Variants in FOXO3 observed in about 807,000 individuals in gnomAD.
FOXO3 encodes the protein forkhead box O3.
Under a neutral mutation model 41.9 loss-of-function variants are expected in FOXO3, and 4 were observed. The observed-to-expected ratio is 0.10, with a 90% CI of 0.05 to 0.22. The LOEUF (loss-of-function observed/expected upper bound fraction) is 0.22. Among genes scored for constraint, FOXO3 ranks in the 10% least tolerant of loss-of-function variants. The pLI is 1.00. For synonymous variants in FOXO3, 318 were observed against 389.3 expected, an observed-to-expected ratio of 0.82 and a Z score of 2.16; for missense variants, 534 against 906.8, an observed-to-expected ratio of 0.59 and a Z score of 5.28.
chr6:108,570,777 C>A (rs1039638274), intron 1 of FOXO3, among the ~76,000 whole-genome samples: 3 of 151,996 alleles, frequency 2.0e-5, no homozygotes, highest in Non-Finnish European at 4.4e-5. Context: ...AAAATAATAC[C>A]TTGATTATTT....
rs1775780510 is a variant in FOXO3 at position 108,561,388 on chromosome 6, G to A, written c.180G>A (p.Glu60=). Residue 60 remains glutamate, a synonymous_variant, in exon 1 of 3, where the codon GAG becomes GAA. Coordinates refer to ENST00000406360, the MANE Select transcript of FOXO3 (RefSeq NM_001455.4). ...CCGCCGACTCCATGATCCCCGAGGA[G>A]GAGGACGATGAAGACGACGAGGACG... ...ETAADSMIPE[E]EDDEDDEDGG... 1.3e-5 allele frequency: 20 copies of A among 1,553,338 alleles called. No homozygotes were observed. Among genetic ancestry groups the A allele is most frequent in the Non-Finnish European group, 1.7e-5 (20 of 1,151,110 alleles).
At chr6:108,589,455 C>T (rs556915424) in intron 1 of FOXO3, among the ~76,000 whole-genome samples, 1 of 152,350 alleles carries the variant, frequency 6.6e-6, no homozygotes, top group African/African-American at 2.4e-5. Context: ...CACAAACACT[C>T]CTGCCAGCAT....
intron 2 of FOXO3, among the ~76,000 whole-genome samples, chr6:108,666,220 G>T (rs895732774): frequency 2.0e-5 from 3 of 152,144 alleles, no homozygotes; most frequent in Non-Finnish European, 4.4e-5. Flanking sequence ...ACTGCAGTAG[G>T]CTGAAATATG....
At chr6:108,673,080 C>T (rs1431876364) in intron 2 of FOXO3, among the ~76,000 whole-genome samples, 2 of 152,202 alleles carry the variant, frequency 1.3e-5, no homozygotes, top group African/African-American at 4.8e-5. Context: ...AGCAATACCG[C>T]CCAACGTAGT....
intron 2 of FOXO3, among the ~76,000 whole-genome samples, chr6:108,670,261 A>G (rs1321300657): frequency 1.3e-5 from 2 of 152,092 alleles, no homozygotes; most frequent in African/African-American, 4.8e-5. Flanking sequence ...CTTGCAGGAG[A>G]CACCACCTGC....
At chr6:108,639,391 A>G (rs1253811300) in intron 1 of FOXO3, 2 of 205,528 alleles carry the variant, frequency 9.7e-6, no homozygotes, top group African/African-American at 4.7e-5. Context: ...AGTGTGTGGC[A>G]TTGTAAATAA....
chr6:108,618,227 T>C, intron 1 of FOXO3: 1 of 817,446 alleles, frequency 1.2e-6, no homozygotes, highest in Non-Finnish European at 2.2e-6. Flanking sequence ...CCCCACCACC[T>C]TCAAATTAAT....
chr6:108,647,052 A>G (rs1778412232), intron 1 of FOXO3, among the ~76,000 whole-genome samples: 1 of 152,252 alleles, frequency 6.6e-6, no homozygotes, highest in Non-Finnish European at 1.5e-5. Context: ...AAAAGGACAG[A>G]AAAACCACGG....
intron 2 of FOXO3, among the ~76,000 whole-genome samples, chr6:108,667,553 C>T (rs1779099186): frequency 6.6e-6 from 1 of 152,150 alleles, no homozygotes; most frequent in South Asian, 2.1e-4. Flanking sequence ...TTTGGTTGAA[C>T]AGCAGATCTT....
intron 1 of FOXO3, among the ~76,000 whole-genome samples, chr6:108,616,676 G>C (rs979464856): frequency 6.6e-6 from 1 of 152,182 alleles, no homozygotes; most frequent in Non-Finnish European, 1.5e-5. Context: ...TTTGCAAATT[G>C]ATGGTTTTTA....
chr6:108,644,437 C>G (rs981354588), intron 1 of FOXO3, among the ~76,000 whole-genome samples: 3 of 152,168 alleles, frequency 2.0e-5, no homozygotes, highest in African/African-American at 4.8e-5. Flanking sequence ...GCCAAGGCAA[C>G]TAGTGATAAC....
Position 108,561,206 on chromosome 6 carries a change from A to T in FOXO3, c.-3A>T. The T allele has an allele frequency of 6.5e-7, 1 of 1,533,904 alleles. No homozygotes were observed. The highest frequency in any genetic ancestry group is 8.8e-7 in the Non-Finnish European group (1 of 1,141,822). ...CCCAGCCGCGGGCGGGCGGGCGGCGAAGATGGCAGAGGCACCGGCTTCCCC... is the reference window on the plus strand; with the variant it reads ...CCCAGCCGCGGGCGGGCGGGCGGCGTAGATGGCAGAGGCACCGGCTTCCCC... On this transcript the variant is annotated 5_prime_UTR_variant, in exon 1 of 3. Transcript: ENST00000406360.
chr6:108,633,820 C>G (rs972573870), intron 1 of FOXO3, among the ~76,000 whole-genome samples: 1 of 150,918 alleles, frequency 6.6e-6, no homozygotes, highest in African/African-American at 2.4e-5. Context: ...CTATTTTTTA[C>G]TTTTCTTGCA....
At chr6:108,599,386 A>G (rs2802293) in intron 1 of FOXO3, among the ~76,000 whole-genome samples, 149,293 of 152,360 alleles carry the variant, frequency 0.98, 73,221 homozygotes, top group East Asian at 1. Context: ...GTGGATTTAT[A>G]TTTTGAATAC....
chr6:108,678,745 C>T (rs960318121), intron 2 of FOXO3, among the ~76,000 whole-genome samples: 2 of 151,818 alleles, frequency 1.3e-5, no homozygotes, highest in African/African-American at 4.8e-5. Flanking sequence ...AATCAAATTC[C>T]TAAGCCAGGT....
intron 1 of FOXO3, among the ~76,000 whole-genome samples, chr6:108,650,378 A>G (rs992835974): frequency 7.2e-5 from 11 of 152,142 alleles, no homozygotes; most frequent in African/African-American, 2.7e-4. Flanking sequence ...ACGTTCTTTT[A>G]GCCCCTGAGG....
chr6:108,589,118 T>C (rs1172178812), intron 1 of FOXO3, among the ~76,000 whole-genome samples: 3 of 152,256 alleles, frequency 2.0e-5, no homozygotes, highest in Non-Finnish European at 4.4e-5. Flanking sequence ...CATGGAGTCC[T>C]GTGGACTGTT....
intron 1 of FOXO3, among the ~76,000 whole-genome samples, chr6:108,576,006 C>T (rs929954596): frequency 3.3e-5 from 5 of 152,144 alleles, no homozygotes; most frequent in Admixed American, 2.0e-4. Flanking sequence ...AAGTTATCTT[C>T]GAGCTGATGC....
At chr6:108,664,974 A>G in intron 2 of FOXO3, 85 bp downstream of exon 2, 2 of 1,347,170 alleles carry the variant, frequency 1.5e-6, no homozygotes, top group Admixed American at 2.6e-5. Flanking sequence ...CTTTACTTTG[A>G]ACTTTATTCC....
Sources: allele counts gnomAD v4.1 joint callset (sites outside exome capture counted in the v4.1 genomes callset), GRCh38; gene constraint gnomAD v4.1.1; transcripts MANE v1.5; gene names NCBI Gene and HGNC (gene_info 2026-07-23, HGNC 2026-07-21).